Variants in TCF7L2 observed in about 807,000 individuals in gnomAD.
TCF7L2 encodes the protein transcription factor 7-like 2.
A neutral mutation model predicts 77.9 loss-of-function variants in TCF7L2; 23 were observed. The observed-to-expected ratio is 0.30, with a 90% CI of 0.21 to 0.42. The LOEUF is 0.42. TCF7L2 is among the 10% of genes least tolerant of loss of function. TCF7L2 has a pLI of 1.00. For synonymous variants in TCF7L2, 413 were observed against 340.2 expected (o/e 1.21, Z -2.36); for missense variants, 654 against 793.1 (o/e 0.82, Z 2.11).
intron 5 of TCF7L2, among the ~76,000 whole-genome samples, chr10:113,112,482 C>A (rs1057426766): frequency 6.6e-6 from 1 of 152,238 alleles, no homozygotes; most frequent in Admixed American, 6.5e-5. Context: ...ATCTCCTCCC[C>A]TGGTCTCATA....
intron 5 of TCF7L2, among the ~76,000 whole-genome samples, chr10:113,041,879 T>C (rs1438319463): frequency 6.6e-6 from 1 of 152,194 alleles, no homozygotes; most frequent in East Asian, 1.9e-4. Context: ...CCCACATTTA[T>C]TTTTTAGCTA....
chr10:113,003,399 G>A (rs541582212), intron 4 of TCF7L2, among the ~76,000 whole-genome samples: 18 of 152,220 alleles, frequency 1.2e-4, no homozygotes, highest in African/African-American at 4.3e-4. Flanking sequence ...GCTTTGTAGC[G>A]AGCTGTCCCC....
intron 4 of TCF7L2, among the ~76,000 whole-genome samples, chr10:113,020,049 C>A (rs2048030600): frequency 6.6e-6 from 1 of 152,112 alleles, no homozygotes; most frequent in Admixed American, 6.5e-5. Context: ...TGGGTGGATG[C>A]CTCTTAAAAT....
intron 4 of TCF7L2, among the ~76,000 whole-genome samples, chr10:112,984,340 CTA>C (rs1375116368): frequency 1.3e-5 from 2 of 152,208 alleles, no homozygotes; most frequent in African/African-American, 2.4e-5. Context: ...TGCCAGAACT[CTA>C]TAGCTGTTCA....
At chr10:113,121,883 T>G (rs1410415164) in intron 5 of TCF7L2, among the ~76,000 whole-genome samples, 2 of 152,244 alleles carry the variant, frequency 1.3e-5, no homozygotes, top group African/African-American at 4.8e-5. Context: ...CCCTGACATT[T>G]GCAATGGGGA....
intron 6 of TCF7L2, among the ~76,000 whole-genome samples, 166 bp downstream of exon 6, chr10:113,141,482 G>C (rs1023746910): frequency 1.3e-5 from 2 of 152,178 alleles, no homozygotes; most frequent in African/African-American, 4.8e-5. Flanking sequence ...GAAGCTCTTT[G>C]GGGTGGTTGA....
At chr10:113,145,334 G>A (rs1309287562) in intron 7 of TCF7L2, among the ~76,000 whole-genome samples, 1 of 152,092 alleles carries the variant, frequency 6.6e-6, no homozygotes, top group Non-Finnish European at 1.5e-5. Flanking sequence ...GATATTTGAA[G>A]GCTAGATAAA....
At chr10:113,126,525 G>C (rs1227323995) in intron 5 of TCF7L2, 1 of 980,286 alleles carries the variant, frequency 1.0e-6, no homozygotes, top group African/African-American at 1.8e-5. Context: ...TGAATGCCGG[G>C]GTTTGGGGGA....
rs116305286 is a variant in TCF7L2 at position 112,998,881 on chromosome 10, A to C, written c.450+34257A>C. On this transcript the variant is annotated intron_variant, in intron 4 of 13. Transcript: ENST00000627217. The stretch of plus-strand genomic sequence containing the variant: ...GTATTTTTCTTGGTTATCACATCAC[A>C]TCAAATTAAGATACTGATCAGCAGT... 3.4e-3 allele frequency among the ~76,000 whole-genome samples: 520 copies of C among 152,382 alleles called. 4 individuals are homozygous for C. The highest frequency in any genetic ancestry group is 0.012 in the African/African-American group (488 of 41,592).
intron 5 of TCF7L2, among the ~76,000 whole-genome samples, chr10:113,129,042 C>A (rs559527373): frequency 2.0e-5 from 3 of 152,216 alleles, no homozygotes; most frequent in South Asian, 2.1e-4. Context: ...GGAATACTAG[C>A]GAGCCCAGGA....
intron 5 of TCF7L2, among the ~76,000 whole-genome samples, chr10:113,068,131 C>T (rs960964007): frequency 2.6e-5 from 4 of 152,172 alleles, no homozygotes; most frequent in Non-Finnish European, 4.4e-5. Context: ...TTAGGAGATG[C>T]AGTCCTAGGA....
chr10:113,023,259 T>C (rs907532296), intron 4 of TCF7L2, among the ~76,000 whole-genome samples: 1 of 152,166 alleles, frequency 6.6e-6, no homozygotes, highest in East Asian at 1.9e-4. Context: ...GACCTTTTGG[T>C]TGGGATGACT....
chr10:113,122,859 T>C (rs559863236), intron 5 of TCF7L2, among the ~76,000 whole-genome samples: 10 of 152,336 alleles, frequency 6.6e-5, no homozygotes, highest in African/African-American at 1.9e-4. Flanking sequence ...GCAACCGTTA[T>C]AGGGAAGAGA....
At chr10:113,137,188 A>G (rs541520288) in intron 5 of TCF7L2, among the ~76,000 whole-genome samples, 1 of 152,286 alleles carries the variant, frequency 6.6e-6, no homozygotes, top group South Asian at 2.1e-4. Flanking sequence ...ATCTAGAATG[A>G]TCTTGCCCCA....
intron 12 of TCF7L2, among the ~76,000 whole-genome samples, chr10:113,159,036 T>A (rs948800516): frequency 2.0e-5 from 3 of 151,982 alleles, no homozygotes; most frequent in African/African-American, 7.2e-5. Flanking sequence ...AAAAAAAAAA[T>A]GGAAGGAATT....
chr10:113,017,426 G>A (rs550694285), intron 4 of TCF7L2, among the ~76,000 whole-genome samples: 7 of 152,306 alleles, frequency 4.6e-5, no homozygotes, highest in Non-Finnish European at 1.0e-4. Flanking sequence ...CTTCCTCCTC[G>A]GGTGGACTTT....
At chr10:112,967,467 G>A (rs1564723884) in intron 4 of TCF7L2, among the ~76,000 whole-genome samples, 4 of 152,168 alleles carry the variant, frequency 2.6e-5, no homozygotes, top group Middle Eastern at 6.8e-3. Context: ...CTATAGACAC[G>A]TCACTTTCTT....
intron 4 of TCF7L2, among the ~76,000 whole-genome samples, chr10:112,986,781 A>G (rs927793098): frequency 5.9e-5 from 9 of 152,104 alleles, no homozygotes; most frequent in African/African-American, 2.2e-4. Flanking sequence ...ACCCCACTTA[A>G]GTGGGAGCTG....
intron 5 of TCF7L2, among the ~76,000 whole-genome samples, chr10:113,114,893 CA>C (rs1438945128): frequency 4.6e-5 from 7 of 152,100 alleles, no homozygotes; most frequent in Non-Finnish European, 7.3e-5. Flanking sequence ...GTGCCCAATT[CA>C]ATAGCGTATT....
Sources: gnomAD v4.1 joint callset for allele counts (sites outside exome capture counted in the v4.1 genomes callset) on GRCh38, gnomAD v4.1.1 for gene constraint, MANE v1.5 for transcripts, NCBI Gene and HGNC (gene_info 2026-07-23, HGNC 2026-07-21) for gene names.